ERC1: variants seen among roughly 807,000 people sequenced by gnomAD.
ERC1 encodes the protein ELKS/RAB6-interacting/CAST family member 1.
ERC1 carries 56 observed loss-of-function variants against 132.0 expected under a neutral mutation model. The observed-to-expected ratio is 0.42, with a 90% confidence interval of 0.34 to 0.53. The LOEUF is 0.53. Ranked by LOEUF, ERC1 falls within the 20% of genes least tolerant of loss-of-function variation. The pLI is 0.03. For synonymous variants in ERC1, 478 were observed against 476.1 expected (o/e 1.00, Z -0.05); for missense variants, 1,202 against 1,349.9 (o/e 0.89, Z 1.72).
In ERC1 at chr12:1,494,955, T is replaced by G. The variant is rs1032592937; in HGVS notation, c.*4725T>G. The G allele has an allele frequency of 8.7e-6, 2 of 230,450 alleles. No individual in the cohort carries two copies. Among genetic ancestry groups the G allele is most frequent in the Non-Finnish European group, 1.7e-5 (2 of 116,504 alleles). The allele number at this position is 230,450 out of a possible 1,614,324, so 14.3% of individuals were successfully genotyped here. ...TAGGAAGCATGGAGCACACTTAGGGTAGTGCCTGCCTGGGCAAGAGACACC... is the reference window on the plus strand; with the variant it reads ...TAGGAAGCATGGAGCACACTTAGGGGAGTGCCTGCCTGGGCAAGAGACACC... On this transcript the variant is annotated 3_prime_UTR_variant, in exon 19 of 19. Coordinates refer to ENST00000360905, the MANE Select transcript of ERC1 (RefSeq NM_178040.4).
chr12:1,065,357 GTCTAT>G (rs1938912100), intron 2 of ERC1, among the ~76,000 whole-genome samples: 1 of 151,958 alleles, frequency 6.6e-6, no homozygotes, highest in Non-Finnish European at 1.5e-5. Context: ...GCTTGATGTA[GTCTAT>G]TCTATTTTTT....
intron 15 of ERC1, among the ~76,000 whole-genome samples, chr12:1,305,782 G>A (rs1036098685): frequency 7.9e-5 from 12 of 151,794 alleles, no homozygotes; most frequent in African/African-American, 2.9e-4. Flanking sequence ...TGTTATTTTT[G>A]TAATCATTCT....
rs766446331 is a variant in ERC1, at chr12:1,214,659, TATACATACAC to T, written c.2352-22108_2352-22099del. On this transcript the variant is annotated intron_variant, in intron 12 of 18. Coordinates refer to ENST00000360905, the MANE Select transcript of ERC1 (RefSeq NM_178040.4). ...TATAAAACATAAATATGCGTGTGTG[TATACATACAC>T]ACACACACACACACACACACACACA... Among the ~76,000 whole-genome samples, 348 of 94,978 alleles carry T rather than the reference TATACATACAC, an allele frequency of 3.7e-3. 1 individual carries two copies. Among genetic ancestry groups the T allele is most frequent in the Admixed American group, 9.2e-3 (101 of 10,962 alleles). 62.3% of individuals were successfully genotyped at this position (94,978 alleles called of 152,430 possible).
At position 1,492,253 on chromosome 12, in the gene ERC1, G is replaced by A. The variant is rs372871613; in HGVS notation, c.*2023G>A. On this transcript the variant is annotated 3_prime_UTR_variant, in exon 19 of 19. Transcript: ENST00000360905. ...AGGGGTTAGATAGTAAGTGGTGGTC[G>A]TTTGTGGTCAGTTACCTCAATTCTG... 20 of 233,262 alleles carry A rather than the reference G, an allele frequency of 8.6e-5. No individual in the cohort carries two copies. Among genetic ancestry groups the A allele is most frequent in the South Asian group, 3.6e-4 (2 of 5,530 alleles). The allele number at this position is 233,262 out of a possible 1,614,324, so 14.4% of individuals were successfully genotyped here.
intron 1 of ERC1, among the ~76,000 whole-genome samples, chr12:1,014,778 T>C (rs1965256815): frequency 6.6e-6 from 1 of 152,180 alleles, no homozygotes; most frequent in Non-Finnish European, 1.5e-5. Flanking sequence ...TCTTTTTCCT[T>C]TTTTTGAAAT....
intron 15 of ERC1, among the ~76,000 whole-genome samples, chr12:1,359,594 C>G (rs1054234019): frequency 4.6e-5 from 7 of 152,124 alleles, no homozygotes; most frequent in African/African-American, 1.7e-4. Context: ...GTTAACAGAC[C>G]TACCCTTACA....
intron 14 of ERC1, among the ~76,000 whole-genome samples, chr12:1,264,955 T>G (rs1428284365): frequency 1.3e-5 from 2 of 152,128 alleles, no homozygotes; most frequent in African/African-American, 2.4e-5. Context: ...ATGGTTTCTT[T>G]TGTGTCAAGT....
At chr12:1,334,094 G>A (rs2083108200) in intron 15 of ERC1, among the ~76,000 whole-genome samples, 1 of 152,024 alleles carries the variant, frequency 6.6e-6, no homozygotes, top group South Asian at 2.1e-4. Context: ...TTTTAATGGG[G>A]TTGTTTTTTT....
chr12:1,408,571 T>C (rs1345368263), intron 17 of ERC1, among the ~76,000 whole-genome samples: 1 of 152,254 alleles, frequency 6.6e-6, no homozygotes, highest in Non-Finnish European at 1.5e-5. Context: ...ACTGTCTTGG[T>C]TTTCTTTTTA....
intron 12 of ERC1, among the ~76,000 whole-genome samples, chr12:1,222,210 A>G (rs1959051097): frequency 6.7e-6 from 1 of 150,028 alleles, no homozygotes; most frequent in Non-Finnish European, 1.5e-5. Context: ...GACTATTATG[A>G]GTGTACATAT....
intron 2 of ERC1, among the ~76,000 whole-genome samples, chr12:1,065,417 T>G (rs1351127021): frequency 1.3e-5 from 2 of 151,594 alleles, no homozygotes; most frequent in Non-Finnish European, 2.9e-5. Context: ...GTTTGTTTGT[T>G]TGATATATAT....
chr12:1,386,694 CAT>C (rs61694186), intron 16 of ERC1: 43,790 of 143,204 alleles, frequency 0.31, 6,759 homozygotes, highest in Middle Eastern at 0.37. Flanking sequence ...TCTAAGTATA[CAT>C]GTCAGTGAAA....
chr12:1,056,083 TTAA>T (rs952386129), intron 2 of ERC1, among the ~76,000 whole-genome samples: 4 of 120,772 alleles, frequency 3.3e-5, no homozygotes, highest in African/African-American at 1.5e-4. Context: ...TTTTTTTTTT[TTAA>T]AAAAAAGGTG....
chr12:1,304,898 T>C (rs2080747941), intron 15 of ERC1, among the ~76,000 whole-genome samples: 1 of 146,322 alleles, frequency 6.8e-6, no homozygotes, highest in Non-Finnish European at 1.5e-5. Flanking sequence ...GACGCCATTC[T>C]CCTACCTCAG....
intron 18 of ERC1, among the ~76,000 whole-genome samples, chr12:1,445,222 ATTTTTTTTTTT>A (rs137864873): frequency 1.1e-5 from 1 of 90,692 alleles, no homozygotes; most frequent in African/African-American, 5.3e-5. Flanking sequence ...TGTACAGTAG[ATTTTTTTTTTT>A]TTTTTTTTTT....
rs572632247 is a variant in ERC1, at chr12:1,190,132, G to T, written c.2351+80G>T. ...ATGCTTTTGGGGACATACTTTTTCA[G>T]TGTATCTAACTCTGAATTTAGGTTC... On this transcript the variant is annotated intron_variant, in intron 12 of 18. Transcript: ENST00000360905. 50 of 1,240,770 alleles carry T rather than the reference G, an allele frequency of 4.0e-5. 1 individual carries two copies. The South Asian group carries it at 5.9e-4, about 15-fold the overall frequency. 76.9% of individuals were successfully genotyped at this position (1,240,770 alleles called of 1,614,324 possible).
chr12:1,229,359 G>C (rs1040823270), intron 12 of ERC1, among the ~76,000 whole-genome samples: 1 of 152,130 alleles, frequency 6.6e-6, no homozygotes, highest in Admixed American at 6.6e-5. Context: ...AAATTAACTA[G>C]TTGCAGCGGT....
In ERC1 at chr12:1,180,645, T is replaced by G; in HGVS notation, c.1843T>G (p.Leu615Val). 2.5e-6 allele frequency: 4 copies of G among 1,614,026 alleles called. No homozygotes were observed. Among genetic ancestry groups the G allele is most frequent in the Non-Finnish European group, 3.4e-6 (4 of 1,180,038 alleles). ...QADTTNTDTA[L>V]TTLEEALAEK... ...TGACACCACCAACACTGACACTGCC[T>G]TGACAACTTTGGAGGAGGCCCTTGC... is the stretch of plus-strand genomic sequence containing the variant. The change falls in exon 9 of 19, where the codon TTG becomes GTG. Residue 615 changes from leucine to valine, a missense_variant. Coordinates refer to ENST00000360905, the MANE Select transcript of ERC1 (RefSeq NM_178040.4).
At chr12:1,208,805 T>C (rs979335) in intron 12 of ERC1, among the ~76,000 whole-genome samples, 65,952 of 151,894 alleles carry the variant, frequency 0.43, 16,174 homozygotes, top group African/African-American at 0.67. Context: ...TGTTTTGAGA[T>C]GAGTCTTTCT....
Sources: allele counts gnomAD v4.1 joint callset (sites outside exome capture counted in the v4.1 genomes callset), GRCh38; gene constraint gnomAD v4.1.1; transcripts MANE v1.5; gene names NCBI Gene and HGNC (gene_info 2026-07-23, HGNC 2026-07-21).